The following C12orf54 variants were observed in gnomAD, a reference collection of about 807,000 sequenced individuals.
The protein encoded by C12orf54 is uncharacterized protein C12orf54.
Under a neutral mutation model 26.4 loss-of-function variants are expected in C12orf54, and 24 were observed. The ratio of observed to expected loss-of-function variants is 0.91; its 90% confidence interval spans 0.66 to 1.28. The LOEUF is 1.28. Ranked by LOEUF, C12orf54 falls within the 50% of genes most tolerant of loss-of-function variation. The pLI, the probability that C12orf54 is intolerant of heterozygous loss-of-function variation, is 0.00. For synonymous variants in C12orf54, 54 were observed against 47.0 expected, an observed-to-expected ratio of 1.15 and a Z score of -0.61; for missense variants, 154 against 150.9, an observed-to-expected ratio of 1.02 and a Z score of -0.11.
the C12orf54 span, among the ~76,000 whole-genome samples, chr12:48,465,833 G>A: frequency 6.6e-6 from 1 of 152,112 alleles, no homozygotes; most frequent in Non-Finnish European, 1.5e-5. Context: ...AATTCCACAT[G>A]TTCTCACTTA....
At chr12:48,452,486 G>A in the C12orf54 span, among the ~76,000 whole-genome samples, 3 of 129,992 alleles carry the variant, frequency 2.3e-5, no homozygotes, top group Non-Finnish European at 5.7e-5. Flanking sequence ...TTGACAAATG[G>A]GATCTAATTA....
At chr12:48,483,430 C>A (rs561808518) in intron 2 of C12orf54, 69 bp downstream of exon 2, 1 of 1,455,238 alleles carries the variant, frequency 6.9e-7, no homozygotes, top group East Asian at 2.3e-5. Context: ...GAACCAGGGC[C>A]TCCTGTCTTC....
the C12orf54 span, among the ~76,000 whole-genome samples, chr12:48,424,983 C>T: frequency 0.017 from 2,622 of 152,110 alleles, 79 homozygotes; most frequent in African/African-American, 0.059. Flanking sequence ...GTGATTAATA[C>T]ATATATACAT....
At chr12:48,482,705 A>C (rs1177218943) in intron 1 of C12orf54, 129 bp downstream of exon 1, 1 of 151,808 alleles carries the variant, frequency 6.6e-6, no homozygotes, top group East Asian at 1.9e-4. Context: ...ACTGCCTATG[A>C]GCCCTTCTTC....
At chr12:48,418,993 A>G in the C12orf54 span, among the ~76,000 whole-genome samples, 1 of 151,834 alleles carries the variant, frequency 6.6e-6, no homozygotes, top group East Asian at 1.9e-4. Flanking sequence ...TGATAGGTGG[A>G]CAGAACTAGA....
chr12:48,418,252 T>C, the C12orf54 span, among the ~76,000 whole-genome samples: 1 of 152,166 alleles, frequency 6.6e-6, no homozygotes, highest in Non-Finnish European at 1.5e-5. Flanking sequence ...AATTGTAGTG[T>C]CTGGAAGGGA....
At chr12:48,425,271 C>A in the C12orf54 span, among the ~76,000 whole-genome samples, 1 of 152,060 alleles carries the variant, frequency 6.6e-6, no homozygotes, top group African/African-American at 2.4e-5. Context: ...GTGTGCTGTT[C>A]CCCTCTTTAT....
At chr12:48,470,061 C>G in the C12orf54 span, among the ~76,000 whole-genome samples, 1 of 152,170 alleles carries the variant, frequency 6.6e-6, no homozygotes. Context: ...TCCATGGTGT[C>G]TATGTACCAC....
At chr12:48,424,405 A>G in the C12orf54 span, among the ~76,000 whole-genome samples, 1 of 152,130 alleles carries the variant, frequency 6.6e-6, no homozygotes, top group Non-Finnish European at 1.5e-5. Flanking sequence ...TTGGTTTATA[A>G]TTAGTATTAT....
chr12:48,433,731 G>T, the C12orf54 span, among the ~76,000 whole-genome samples: 1 of 152,188 alleles, frequency 6.6e-6, no homozygotes, highest in South Asian at 2.1e-4. Flanking sequence ...ACAGGTGTGA[G>T]CCACCGCACC....
chr12:48,493,082 G>C, intron 7 of C12orf54, 87 bp downstream of exon 7: 1 of 1,230,820 alleles, frequency 8.1e-7, no homozygotes, highest in Non-Finnish European at 1.2e-6. Context: ...CTAGCTCTGA[G>C]CCTTGAGCCT....
chr12:48,450,933 T>C, the C12orf54 span, among the ~76,000 whole-genome samples: 1 of 151,856 alleles, frequency 6.6e-6, no homozygotes, highest in East Asian at 1.9e-4. Context: ...ACTAAAACTA[T>C]TACAAAAAAT....
chr12:48,425,674 C>A, the C12orf54 span, among the ~76,000 whole-genome samples: 2 of 152,144 alleles, frequency 1.3e-5, no homozygotes, highest in South Asian at 2.1e-4. Flanking sequence ...AACAGTTGAA[C>A]TAACTTACAC....
chr12:48,471,306 A>G, the C12orf54 span, among the ~76,000 whole-genome samples: 10 of 152,150 alleles, frequency 6.6e-5, no homozygotes, highest in African/African-American at 2.2e-4. Context: ...CGAGTACTCC[A>G]TTGTGTATAT....
chr12:48,437,981 T>C, the C12orf54 span, among the ~76,000 whole-genome samples: 3 of 152,192 alleles, frequency 2.0e-5, no homozygotes, highest in Non-Finnish European at 2.9e-5. Flanking sequence ...TTGCAGATGA[T>C]ATGATTGTAT....
chr12:48,427,804 A>C, the C12orf54 span, among the ~76,000 whole-genome samples: 1 of 152,118 alleles, frequency 6.6e-6, no homozygotes, highest in Non-Finnish European at 1.5e-5. Context: ...TTTAAACTAT[A>C]CCTTGGAACA....
the C12orf54 span, among the ~76,000 whole-genome samples, chr12:48,459,891 C>G: frequency 1.3e-5 from 2 of 152,126 alleles, no homozygotes; most frequent in Non-Finnish European, 2.9e-5. Flanking sequence ...GCCTTGAGGT[C>G]TAGACTTTTA....
At chr12:48,483,203 AC>A (rs1954218788) in intron 1 of C12orf54, 36 bp from the exon 2 acceptor site, 1 of 1,084,610 alleles carries the variant, frequency 9.2e-7, no homozygotes. Flanking sequence ...CTCACCATGT[AC>A]CTGCCTTCTC....
intron 2 of C12orf54, among the ~76,000 whole-genome samples, chr12:48,484,062 G>A (rs1377925042): frequency 1.3e-5 from 2 of 152,156 alleles, no homozygotes; most frequent in Non-Finnish European, 2.9e-5. Context: ...GGGTGTGGTG[G>A]TGCATGCCTG....
Sources: gnomAD v4.1 joint callset for allele counts (sites outside exome capture counted in the v4.1 genomes callset) on GRCh38, gnomAD v4.1.1 for gene constraint, MANE v1.5 for transcripts, NCBI Gene and HGNC (gene_info 2026-07-23, HGNC 2026-07-21) for gene names.